FARP2: variants seen among roughly 807,000 people sequenced by gnomAD.
FARP2 encodes FERM, ARH/RhoGEF and pleckstrin domain protein 2.
In FARP2, 111 loss-of-function variants were observed where a neutral mutation model predicts 130.5. The ratio of observed to expected loss-of-function variants is 0.85; its 90% confidence interval spans 0.73 to 1.00. The LOEUF (loss-of-function observed/expected upper bound fraction) is 1.00. Among genes scored for constraint, FARP2 ranks in the 50% least tolerant of loss-of-function variants. FARP2 has a pLI of 0.00. For missense variants in FARP2, 1,385 were observed against 1,346.3 expected, an observed-to-expected ratio of 1.03 and a Z score of -0.45; for synonymous variants, 504 against 516.9, an observed-to-expected ratio of 0.98 and a Z score of 0.34.
chr2:241,438,390 T>C (rs1296780575), intron 12 of FARP2, among the ~76,000 whole-genome samples: 1 of 152,020 alleles, frequency 6.6e-6, no homozygotes, highest in Non-Finnish European at 1.5e-5. Context: ...CCTATCTATC[T>C]GAAGATTTTT....
At chr2:241,393,796 T>C (rs2150332444) in intron 2 of FARP2, among the ~76,000 whole-genome samples, 1 of 152,356 alleles carries the variant, frequency 6.6e-6, no homozygotes, top group African/African-American at 2.4e-5. Context: ...AATAGTTTTG[T>C]AAATGTAAGT....
intron 17 of FARP2, chr2:241,465,651 G>T: frequency 6.4e-7 from 1 of 1,550,806 alleles, no homozygotes; most frequent in Non-Finnish European, 8.7e-7. Context: ...AACGTGCCTG[G>T]AACAGTTCTC....
chr2:241,428,220 C>T (rs1339734147), intron 8 of FARP2, among the ~76,000 whole-genome samples: 5 of 149,332 alleles, frequency 3.3e-5, no homozygotes, highest in African/African-American at 9.8e-5. Context: ...AGTTGAAAAT[C>T]CTCCAATATT....
In FARP2 at chr2:241,459,943, C is replaced by T. The variant is rs2063968666; in HGVS notation, c.1588-2580C>T. Among the ~76,000 whole-genome samples, 1 of 152,164 alleles carries T rather than the reference C, an allele frequency of 6.6e-6. No individual in the cohort carries two copies. Among genetic ancestry groups the T allele is most frequent in the Non-Finnish European group, 1.5e-5 (1 of 68,014 alleles). ...AGTCTCATCAGCGACTGCTGTGGCTCTCTGATGGCGTATGTGTCTCTATGT... is the reference window on the plus strand; with the variant it reads ...AGTCTCATCAGCGACTGCTGTGGCTTTCTGATGGCGTATGTGTCTCTATGT... On this transcript the variant is annotated intron_variant, in intron 14 of 26. Transcript: ENST00000264042. The surrounding 1 kb of genome is among the most constrained non-coding windows in gnomAD (Gnocchi z 5.3).
At chr2:241,399,361 A>G (rs952031649) in intron 2 of FARP2, among the ~76,000 whole-genome samples, 3 of 152,192 alleles carry the variant, frequency 2.0e-5, no homozygotes, top group African/African-American at 7.2e-5. Flanking sequence ...GCTGGAGTGC[A>G]GTGGCATGAT....
At chr2:241,444,767 C>T (rs2063474562) in intron 13 of FARP2, 4 of 152,252 alleles carry the variant, frequency 2.6e-5, no homozygotes, top group South Asian at 2.1e-4. Flanking sequence ...ACCTCACTTT[C>T]TAGAGATAAT....
At chr2:241,488,410 T>A (rs2124903830) in intron 21 of FARP2, 1 of 149,478 alleles carries the variant, frequency 6.7e-6, no homozygotes, top group Non-Finnish European at 1.5e-5. Flanking sequence ...TTTTTTTACT[T>A]TTTTGGTTTT....
chr2:241,363,253 T>A (rs774179387), intron 1 of FARP2, among the ~76,000 whole-genome samples: 4 of 152,232 alleles, frequency 2.6e-5, no homozygotes, highest in Non-Finnish European at 5.9e-5. Context: ...ATTATTTTTT[T>A]CCCTCTTGCT....
chr2:241,365,295 A>G (rs1243423827), intron 1 of FARP2, among the ~76,000 whole-genome samples: 1 of 151,982 alleles, frequency 6.6e-6, no homozygotes, highest in African/African-American at 2.4e-5. Context: ...CTGATCCCCA[A>G]CTCGTTGGAT....
intron 15 of FARP2, 71 bp from the exon 16 acceptor site, chr2:241,463,264 G>C: frequency 6.4e-7 from 1 of 1,554,018 alleles, no homozygotes. Flanking sequence ...ATGGCTACAG[G>C]CCCTCAGGGG....
chr2:241,489,372 G>A (rs540189853), intron 21 of FARP2: 1 of 152,408 alleles, frequency 6.6e-6, no homozygotes, highest in African/African-American at 2.4e-5. Flanking sequence ...TTTGGCAAAG[G>A]CATTTTCAGC....
At chr2:241,360,131 A>T (rs950187148) in intron 1 of FARP2, among the ~76,000 whole-genome samples, 1 of 152,228 alleles carries the variant, frequency 6.6e-6, no homozygotes, top group East Asian at 1.9e-4. Context: ...TGTCCACTAT[A>T]TAGGGGGGAA....
chr2:241,434,760 G>A (rs2063178367), intron 10 of FARP2, among the ~76,000 whole-genome samples: 1 of 152,110 alleles, frequency 6.6e-6, no homozygotes, highest in Non-Finnish European at 1.5e-5. Flanking sequence ...GCTGAGGCAT[G>A]AGAATCGCTT....
intron 21 of FARP2, among the ~76,000 whole-genome samples, chr2:241,484,587 C>G (rs1426109149): frequency 6.6e-6 from 1 of 152,216 alleles, no homozygotes; most frequent in Non-Finnish European, 1.5e-5. Flanking sequence ...CTGGACTCAG[C>G]CTGTGGTCTC....
rs572205532 is a variant in FARP2 at position 241,398,647 on chromosome 2, G to A, written c.184-5181G>A. Among the ~76,000 whole-genome samples the A allele has an allele frequency of 2.0e-5, 3 of 150,374 alleles. No homozygotes were observed. In the East Asian group the frequency reaches 5.9e-4, roughly 30 times the overall value. Reference sequence around the variant, plus strand: ...TGCAGTGGTGCAATCTTGGCTCACTGCAACCTCTGCCTCCCAGGTTCAGGC... The same window carrying A: ...TGCAGTGGTGCAATCTTGGCTCACTACAACCTCTGCCTCCCAGGTTCAGGC... On this transcript the variant is annotated intron_variant, in intron 2 of 26. Transcript: ENST00000264042.
chr2:241,437,658 A>ATTTTTTT (rs1478318608), intron 12 of FARP2, among the ~76,000 whole-genome samples: 2 of 134,346 alleles, frequency 1.5e-5, no homozygotes, highest in African/African-American at 5.3e-5. Flanking sequence ...ATATTTATTT[A>ATTTTTTT]TTTATTTATT....
chr2:241,429,421 G>T (rs758609603), intron 8 of FARP2, among the ~76,000 whole-genome samples: 1 of 152,150 alleles, frequency 6.6e-6, no homozygotes, highest in Non-Finnish European at 1.5e-5. Flanking sequence ...TTATGATATG[G>T]GATTGTGCAG....
Position 241,456,904 on chromosome 2 carries a change from C to G in FARP2, c.1569C>G (p.Cys523Trp). ...ATGCTGGCGGAGCCGGGATGGACTG[C>G]GAGGAGCCCAGACACAAGGTGGGCC... ...LSDAGGAGMD[C>W]EEPRHKRVPA... The change falls in exon 14 of 27, where the codon TGC becomes TGG. Residue 523 changes from cysteine to tryptophan, a missense_variant. Transcript: ENST00000264042. 6.2e-7 allele frequency: 1 copy of G among 1,602,110 alleles called. No individual in the cohort carries two copies.
At chr2:241,405,803 G>A (rs749351117) in intron 4 of FARP2, among the ~76,000 whole-genome samples, 19 of 152,058 alleles carry the variant, frequency 1.2e-4, no homozygotes, top group Non-Finnish European at 2.5e-4. Flanking sequence ...GCGTGATGGC[G>A]CATGCCTATA....
Sources: allele counts gnomAD v4.1 joint callset (sites outside exome capture counted in the v4.1 genomes callset), GRCh38; gene constraint gnomAD v4.1.1; non-coding constraint Gnocchi (gnomAD v3.1); transcripts MANE v1.5; gene names NCBI Gene and HGNC (gene_info 2026-07-23, HGNC 2026-07-21).